The following IFT52 variants were observed in gnomAD, a reference collection of about 807,000 sequenced individuals.
IFT52 encodes intraflagellar transport 52.
Under a neutral mutation model 54.4 loss-of-function variants are expected in IFT52, and 44 were observed. The observed-to-expected ratio is 0.81, with a 90% CI of 0.63 to 1.04. The LOEUF is 1.04. Ranked by LOEUF, IFT52 falls within the 50% of genes least tolerant of loss-of-function variation. The pLI, the probability that IFT52 is intolerant of heterozygous loss-of-function variation, is 0.00. For missense variants in IFT52, 452 were observed against 523.6 expected (o/e 0.86, Z 1.33); for synonymous variants, 181 against 185.3 (o/e 0.98, Z 0.19).
intron 10 of IFT52, among the ~76,000 whole-genome samples, chr20:43,625,289 T>C (rs756877210): frequency 6.6e-6 from 1 of 151,872 alleles, no homozygotes; most frequent in African/African-American, 2.4e-5. Flanking sequence ...GATGGGAAGA[T>C]CGCGAGGTCA....
Position 43,610,209 on chromosome 20 carries a change from T to C in IFT52, c.486-3641T>C, listed in dbSNP as rs1245268347. Reference sequence around the variant, plus strand: ...CGGGAGGCTGAGGCAGGAGAATTGCTTGAACCCGGGAGGCGGAGGGTGCGA... The same window carrying C: ...CGGGAGGCTGAGGCAGGAGAATTGCCTGAACCCGGGAGGCGGAGGGTGCGA... On this transcript the variant is annotated intron_variant, in intron 6 of 13. Transcript: ENST00000373030. Among the ~76,000 whole-genome samples, 6 of 147,130 alleles carry C rather than the reference T, an allele frequency of 4.1e-5. No homozygotes were observed. In the East Asian group the frequency reaches 1.0e-3, roughly 25 times the overall value.
At chr20:43,617,930 G>A (rs1041120068) in intron 7 of IFT52, among the ~76,000 whole-genome samples, 1 of 151,998 alleles carries the variant, frequency 6.6e-6, no homozygotes, top group African/African-American at 2.4e-5. Flanking sequence ...TTCTAGTAGA[G>A]ACAGGGTTTT....
intron 1 of IFT52, among the ~76,000 whole-genome samples, chr20:43,592,831 C>T (rs1331897644): frequency 1.3e-5 from 2 of 152,174 alleles, no homozygotes; most frequent in East Asian, 3.8e-4. Flanking sequence ...TGAAACCCGA[C>T]TGGGTGCAGT....
At chr20:43,640,230 G>A (rs1168998615) in intron 12 of IFT52, among the ~76,000 whole-genome samples, 2 of 152,094 alleles carry the variant, frequency 1.3e-5, no homozygotes, top group African/African-American at 4.8e-5. Context: ...GCCGAGGCAG[G>A]TGGATCACAA....
chr20:43,615,971 G>A (rs1983829104), intron 7 of IFT52, among the ~76,000 whole-genome samples: 1 of 152,098 alleles, frequency 6.6e-6, no homozygotes, highest in South Asian at 2.1e-4. Flanking sequence ...AGCCAGGCAC[G>A]GTGGCAGGCT....
intron 3 of IFT52, among the ~76,000 whole-genome samples, chr20:43,596,736 C>CT (rs59960911): frequency 0.028 from 2,115 of 75,752 alleles, 105 homozygotes; most frequent in African/African-American, 0.087. Context: ...AGCCACACTT[C>CT]TTTTTTTTTT....
At chr20:43,631,472 T>A (rs1171258552) in intron 10 of IFT52, among the ~76,000 whole-genome samples, 1 of 152,210 alleles carries the variant, frequency 6.6e-6, no homozygotes, top group African/African-American at 2.4e-5. Context: ...GCTGCCATGA[T>A]CTTTGTCCAC....
In IFT52 at chr20:43,646,981, TGAAGAC is replaced by T; in HGVS notation, c.1313_*4del. The T allele has an allele frequency of 6.2e-7, 1 of 1,613,316 alleles. No homozygotes were observed. The highest frequency in any genetic ancestry group is 8.5e-7 in the Non-Finnish European group (1 of 1,179,404). Reference sequence around the variant, plus strand: ...TGAAACAGCATTCCAGAACAATTTCTGAAGACCATGCCTCTTGAAGCTTTTTCTGCC... The same window carrying T: ...TGAAACAGCATTCCAGAACAATTTCTCATGCCTCTTGAAGCTTTTTCTGCC... On this transcript the variant is annotated stop_lost and 3_prime_UTR_variant, in exon 14 of 14. Coordinates refer to ENST00000373030, the MANE Select transcript of IFT52 (RefSeq NM_016004.5).
chr20:43,615,707 G>C (rs939834347), intron 7 of IFT52, among the ~76,000 whole-genome samples: 3 of 152,150 alleles, frequency 2.0e-5, no homozygotes, highest in African/African-American at 7.2e-5. Flanking sequence ...GGGAGGCCAA[G>C]GCGGGTGGAT....
rs931386495 is a variant in IFT52, at chr20:43,596,728, C to T, written c.207+206C>T. ...ATAGTGTGGGCCAATTAAATATTAG[C>T]CACACTTCTTTTTTTTTTTTTTTTT... On this transcript the variant is annotated intron_variant, in intron 3 of 13. Transcript: ENST00000373030. Among the ~76,000 whole-genome samples, 2 of 145,614 alleles carry T rather than the reference C, an allele frequency of 1.4e-5. 1 individual carries two copies.
intron 12 of IFT52, 127 bp from the exon 13 acceptor site, chr20:43,642,352 T>C: frequency 1.2e-6 from 1 of 812,678 alleles, no homozygotes; most frequent in Admixed American, 2.5e-5. Context: ...TCACATTACT[T>C]TAGGAAGAGG....
chr20:43,613,900 C>G lies in IFT52; in HGVS notation c.536C>G (p.Pro179Arg). ...GGTGCCACATTGAGTGTCATGAAAC[C>G]AGCAGTGGCGGTTCTGTCTACAGGT... The part of the protein sequence containing the change: ...PFGATLSVMK[P>R]AVAVLSTGSV... The change falls in exon 7 of 14, where the codon CCA (proline) becomes CGA (arginine). Residue 179 changes from proline to arginine, a missense_variant. Pro to Arg is a moderately radical substitution (Grantham distance 103). Coordinates refer to ENST00000373030, the MANE Select transcript of IFT52 (RefSeq NM_016004.5). 6.2e-7 allele frequency: 1 copy of G among 1,614,054 alleles called. No individual in the cohort carries two copies. Among genetic ancestry groups the G allele is most frequent in the East Asian group, 2.2e-5 (1 of 44,890 alleles).
At chr20:43,637,477 G>A (rs1213556103) in intron 12 of IFT52, among the ~76,000 whole-genome samples, 1 of 152,142 alleles carries the variant, frequency 6.6e-6, no homozygotes, top group African/African-American at 2.4e-5. Flanking sequence ...TGGTCAGGCT[G>A]GTCTCAAACT....
chr20:43,604,083 C>A, intron 4 of IFT52, 100 bp from the exon 5 acceptor site: 1 of 1,066,430 alleles, frequency 9.4e-7, no homozygotes, highest in Non-Finnish European at 1.4e-6. Flanking sequence ...TGGATTGGAA[C>A]CAAGTTCCAG....
intron 6 of IFT52, among the ~76,000 whole-genome samples, chr20:43,608,832 C>G (rs1983187535): frequency 6.6e-6 from 1 of 152,082 alleles, no homozygotes; most frequent in South Asian, 2.1e-4. Flanking sequence ...TGCTTGAGCC[C>G]AGGAAGCAGA....
In IFT52 at chr20:43,639,669, TA is replaced by T. The variant is rs541127524; in HGVS notation, c.1120+2427del. Among the ~76,000 whole-genome samples, 79 of 149,244 alleles carry T rather than the reference TA, an allele frequency of 5.3e-4. No individual in the cohort carries two copies. The East Asian group carries it at 5.9e-3, about 11-fold the overall frequency. ...TGGGCAACAAGAGCGAAACTCCATC[TA>T]AAAAAAAAAATTTTTTTAAGTAGCC... On this transcript the variant is annotated intron_variant, in intron 12 of 13. Coordinates refer to ENST00000373030, the MANE Select transcript of IFT52 (RefSeq NM_016004.5).
At chr20:43,641,530 G>A (rs951173078) in intron 12 of IFT52, among the ~76,000 whole-genome samples, 16 of 150,760 alleles carry the variant, frequency 1.1e-4, no homozygotes, top group Admixed American at 8.0e-4. Flanking sequence ...GAGCCACCAC[G>A]TCCCCCAGGC....
chr20:43,626,331 T>C (rs909614263), intron 10 of IFT52, among the ~76,000 whole-genome samples: 3 of 151,584 alleles, frequency 2.0e-5, no homozygotes, highest in African/African-American at 7.3e-5. Context: ...TGGCGCAATC[T>C]CTGCTCACTG....
At chr20:43,615,768 C>T (rs1001039511) in intron 7 of IFT52, among the ~76,000 whole-genome samples, 16 of 152,302 alleles carry the variant, frequency 1.1e-4, no homozygotes, top group African/African-American at 3.8e-4. Flanking sequence ...GAAACCCCCT[C>T]TCTACTAAAA....
Sources: gnomAD v4.1 joint callset for allele counts (sites outside exome capture counted in the v4.1 genomes callset) on GRCh38, gnomAD v4.1.1 for gene constraint, MANE v1.5 for transcripts, NCBI Gene and HGNC (gene_info 2026-07-23, HGNC 2026-07-21) for gene names.